The following ROBO2 variants were observed in gnomAD, a reference collection of about 807,000 sequenced individuals.
The protein encoded by ROBO2 is roundabout guidance receptor 2, also known as roundabout homolog 2.
A neutral mutation model predicts 160.8 loss-of-function variants in ROBO2; 53 were observed. The observed-to-expected ratio is 0.33, with a 90% CI of 0.26 to 0.41. ROBO2 has a LOEUF of 0.41. Among genes scored for constraint, ROBO2 ranks in the 10% least tolerant of loss-of-function variants. The pLI is 1.00. For synonymous variants in ROBO2, 664 were observed against 611.7 expected (o/e 1.09, Z -1.26); for missense variants, 1,577 against 1,722.4 (o/e 0.92, Z 1.49).
At chr3:76,096,557 G>T (rs2069460705) in intron 2 of ROBO2, among the ~76,000 whole-genome samples, 1 of 151,912 alleles carries the variant, frequency 6.6e-6, no homozygotes, top group Non-Finnish European at 1.5e-5. Flanking sequence ...TTGTGGTTAG[G>T]TCATTTATTG....
intron 2 of ROBO2, among the ~76,000 whole-genome samples, chr3:76,001,972 T>C (rs2065901785): frequency 6.6e-6 from 1 of 152,248 alleles, no homozygotes; most frequent in Non-Finnish European, 1.5e-5. Flanking sequence ...AATTTTCTCT[T>C]AGCACTATTG....
Position 76,402,632 on chromosome 3 carries a change from G to C in ROBO2, c.109+465030G>C, listed in dbSNP as rs540728224. ...CCGTTTCCTACTGATAAATTCAGTT[G>C]CTTGAGGTTGTAAGACTAAGGTGCC... On this transcript the variant is annotated intron_variant, in intron 2 of 26. Coordinates refer to the ROBO2 transcript ENST00000487694. Among the ~76,000 whole-genome samples, 5 of 151,610 alleles carry C rather than the reference G, an allele frequency of 3.3e-5. No individual in the cohort carries two copies. The East Asian group carries it at 9.7e-4, about 29-fold the overall frequency.
intron 2 of ROBO2, among the ~76,000 whole-genome samples, chr3:76,464,110 C>T (rs1451971242): frequency 1.3e-5 from 2 of 152,128 alleles, no homozygotes; most frequent in East Asian, 1.9e-4. Flanking sequence ...GTGCCTCTCA[C>T]TGTCCTAATC....
At chr3:76,739,951 T>C (rs1473247510) in intron 2 of ROBO2, among the ~76,000 whole-genome samples, 1 of 152,242 alleles carries the variant, frequency 6.6e-6, no homozygotes, top group Admixed American at 6.5e-5. Flanking sequence ...AGTTGTGTGC[T>C]TGTAGCACAT....
rs573607613 is a variant in ROBO2, at chr3:77,405,932, G to C, written c.389-71482G>C. On this transcript the variant is annotated intron_variant, in intron 2 of 25. Transcript: ENST00000461745. ...AGATAAACGTGAATTTGATTTGAAT[G>C]GCAAAAAGTAGAGGTATGAAGTAAA... 3.3e-5 allele frequency among the ~76,000 whole-genome samples: 5 copies of C among 152,182 alleles called. No individual in the cohort carries two copies. The East Asian group carries it at 9.7e-4, about 29-fold the overall frequency.
At chr3:77,158,304 G>A (rs1579479641) in intron 2 of ROBO2, among the ~76,000 whole-genome samples, 1 of 152,072 alleles carries the variant, frequency 6.6e-6, no homozygotes, top group South Asian at 2.1e-4. Flanking sequence ...CATGGGAATG[G>A]CCCCTGTTAT....
chr3:77,467,587 GTATCTATCTATC>G (rs59640984), intron 2 of ROBO2, among the ~76,000 whole-genome samples: 109 of 148,252 alleles, frequency 7.4e-4, no homozygotes, highest in South Asian at 2.6e-3. Flanking sequence ...CTATCTGTCT[GTATCTATCTATC>G]TATCTATCTA....
chr3:77,460,027 G>A (rs2082084903), intron 2 of ROBO2, among the ~76,000 whole-genome samples: 3 of 151,918 alleles, frequency 2.0e-5, no homozygotes, highest in African/African-American at 7.3e-5. Context: ...TCCTCTGTCT[G>A]CTGCAGGAAG....
chr3:77,393,859 A>G (rs993186501), intron 2 of ROBO2, among the ~76,000 whole-genome samples: 3 of 151,988 alleles, frequency 2.0e-5, no homozygotes, highest in Non-Finnish European at 2.9e-5. Context: ...AAAAGATTGC[A>G]GAATATTATA....
intron 2 of ROBO2, among the ~76,000 whole-genome samples, chr3:76,907,913 C>G (rs1211223277): frequency 6.6e-6 from 1 of 151,512 alleles, no homozygotes; most frequent in Non-Finnish European, 1.5e-5. Context: ...GACCTCAGGT[C>G]ACTATAACCT....
At chr3:76,253,108 C>T (rs767037584) in intron 2 of ROBO2, among the ~76,000 whole-genome samples, 1 of 152,034 alleles carries the variant, frequency 6.6e-6, no homozygotes, top group Non-Finnish European at 1.5e-5. Flanking sequence ...ACTGGTACTA[C>T]AGTCTTACCA....
At chr3:76,364,606 T>C (rs867329482) in intron 2 of ROBO2, among the ~76,000 whole-genome samples, 1 of 152,096 alleles carries the variant, frequency 6.6e-6, no homozygotes, top group South Asian at 2.1e-4. Context: ...ACTAGTATTA[T>C]TTGTTTTATT....
At chr3:76,141,538 A>G (rs190537671) in intron 2 of ROBO2, among the ~76,000 whole-genome samples, 8 of 151,994 alleles carry the variant, frequency 5.3e-5, no homozygotes, top group Admixed American at 4.6e-4. Context: ...AAGGTAGGAA[A>G]AATAATTAGT....
At chr3:76,179,150 ATAAT>A (rs1701376819) in intron 2 of ROBO2, among the ~76,000 whole-genome samples, 2 of 152,108 alleles carry the variant, frequency 1.3e-5, no homozygotes, top group Admixed American at 6.6e-5. Context: ...TGTCTCATTA[ATAAT>A]TAATAATGAG....
chr3:76,119,658 AGTT>A (rs1034576289), intron 2 of ROBO2, among the ~76,000 whole-genome samples: 4 of 152,052 alleles, frequency 2.6e-5, no homozygotes, highest in Admixed American at 6.5e-5. Flanking sequence ...ATAAAAAAGA[AGTT>A]GTACTTTTAA....
chr3:77,559,574 A>G (rs938959966), intron 9 of ROBO2, among the ~76,000 whole-genome samples: 11 of 152,118 alleles, frequency 7.2e-5, no homozygotes, highest in Admixed American at 2.6e-4. Context: ...AAAGCAAAAC[A>G]GCATTTAGAA....
intron 2 of ROBO2, among the ~76,000 whole-genome samples, chr3:76,358,893 G>A (rs188464189): frequency 6.6e-6 from 1 of 150,632 alleles, no homozygotes; most frequent in Admixed American, 6.6e-5. Context: ...TTTAGCATTA[G>A]GTATATCTCC....
intron 2 of ROBO2, among the ~76,000 whole-genome samples, chr3:76,200,563 C>T (rs1376300801): frequency 6.6e-6 from 1 of 152,034 alleles, no homozygotes; most frequent in African/African-American, 2.4e-5. Context: ...ATTAATACGT[C>T]CAGTATAGGG....
Position 75,911,552 on chromosome 3 carries a change from C to CTTTTTTTTT in ROBO2, c.-14+4607_-14+4615dup, listed in dbSNP as rs56787695. Among the ~76,000 whole-genome samples the CTTTTTTTTT allele has an allele frequency of 2.3e-3, 189 of 83,520 alleles. 4 individuals carry two copies. The highest frequency in any genetic ancestry group is 5.2e-3 in the African/African-American group (109 of 20,920). 54.8% of individuals were successfully genotyped at this position (83,520 alleles called of 152,430 possible). On this transcript the variant is annotated intron_variant, in intron 1 of 26. Coordinates refer to the ROBO2 transcript ENST00000487694. Reference sequence around the variant, plus strand: ...AAGATCCCTTTCTGAAGCCTTGTTTCTTTTTTTTTTTTTTTTTTTTTTTGA... The same window carrying CTTTTTTTTT: ...AAGATCCCTTTCTGAAGCCTTGTTTCTTTTTTTTTTTTTTTTTTTTTTTTTTTTTTTTGA...
Sources: gnomAD v4.1 joint callset for allele counts (sites outside exome capture counted in the v4.1 genomes callset) on GRCh38, gnomAD v4.1.1 for gene constraint, MANE v1.5 for transcripts, NCBI Gene and HGNC (gene_info 2026-07-23, HGNC 2026-07-21) for gene names.